The following IQCK variants were observed in gnomAD, a reference collection of about 807,000 sequenced individuals.
The protein encoded by IQCK is IQ motif containing K.
A neutral mutation model predicts 28.1 loss-of-function variants in IQCK; 29 were observed. The ratio of observed to expected loss-of-function variants is 1.03; its 90% CI spans 0.77 to 1.41. The LOEUF is 1.41. IQCK is among the 40% of genes most tolerant of loss of function. The pLI, the probability that IQCK is intolerant of heterozygous loss-of-function variation, is 0.00. For synonymous variants in IQCK, 113 were observed against 115.1 expected (o/e 0.98, Z 0.12); for missense variants, 359 against 314.7 (o/e 1.14, Z -1.07).
chr16:19,728,815 G>A (rs1216983035), intron 1 of IQCK, among the ~76,000 whole-genome samples: 1 of 152,164 alleles, frequency 6.6e-6, no homozygotes, highest in East Asian at 1.9e-4. Context: ...CTTTTAACCT[G>A]CAACCTGACA....
At chr16:19,772,458 ATTAT>A (rs1438620152) in intron 6 of IQCK, among the ~76,000 whole-genome samples, 1 of 152,178 alleles carries the variant, frequency 6.6e-6, no homozygotes, top group Non-Finnish European at 1.5e-5. Context: ...TTAAAAAATT[ATTAT>A]TTAAGATATG....
exon 10 of IQCK, chr16:19,857,153 A>G (rs2056572351): frequency 4.9e-6 from 1 of 202,976 alleles, no homozygotes; most frequent in Non-Finnish European, 9.9e-6. Context: ...TTTTATGGGT[A>G]AACTTATTAC....
chr16:19,750,127 T>C (rs1485055757), intron 4 of IQCK, among the ~76,000 whole-genome samples: 8 of 152,092 alleles, frequency 5.3e-5, no homozygotes, highest in Non-Finnish European at 1.2e-4. Flanking sequence ...AGGGAGTTTA[T>C]GATTTTTTTT....
intron 7 of IQCK, among the ~76,000 whole-genome samples, chr16:19,809,667 G>A (rs1364336474): frequency 1.3e-5 from 2 of 152,178 alleles, no homozygotes; most frequent in Non-Finnish European, 2.9e-5. Context: ...TGAGAAGCAC[G>A]ACAATGTTTT....
chr16:19,828,452 A>C (rs1364555776), downstream of IQCK, among the ~76,000 whole-genome samples: 2 of 149,162 alleles, frequency 1.3e-5, no homozygotes, highest in East Asian at 2.1e-4. Flanking sequence ...CGGCCAGGCT[A>C]GTCTCAAACT....
chr16:19,816,028 A>C (rs1210871055), intron 7 of IQCK, among the ~76,000 whole-genome samples: 1 of 152,192 alleles, frequency 6.6e-6, no homozygotes, highest in East Asian at 1.9e-4. Context: ...ATGACTGAAG[A>C]GGCCTGACCA....
intron 3 of IQCK, among the ~76,000 whole-genome samples, chr16:19,734,232 C>T (rs183012964): frequency 5.9e-5 from 9 of 152,168 alleles, no homozygotes; most frequent in South Asian, 4.2e-4. Flanking sequence ...TGCAGTGGCT[C>T]ATGCCTATAA....
At chr16:19,839,018 C>CAAAAAAAA (rs71146274) in intron 9 of IQCK, among the ~76,000 whole-genome samples, 2 of 42,576 alleles carry the variant, frequency 4.7e-5, no homozygotes, top group African/African-American at 8.2e-5. Context: ...GACTCCATAG[C>CAAAAAAAA]AAAAAAAAAA....
At chr16:19,810,106 T>G (rs1244926495) in intron 7 of IQCK, among the ~76,000 whole-genome samples, 4 of 152,078 alleles carry the variant, frequency 2.6e-5, no homozygotes, top group African/African-American at 9.7e-5. Flanking sequence ...GAACTGCTAC[T>G]TTAGAGTTAG....
chr16:19,784,561 G>A (rs926504082), intron 6 of IQCK, among the ~76,000 whole-genome samples: 5 of 152,164 alleles, frequency 3.3e-5, no homozygotes, highest in Non-Finnish European at 7.3e-5. Context: ...CCTACTATGT[G>A]CCAGACATTG....
At chr16:19,778,083 G>A (rs2055420435) in intron 6 of IQCK, among the ~76,000 whole-genome samples, 1 of 152,126 alleles carries the variant, frequency 6.6e-6, no homozygotes, top group Non-Finnish European at 1.5e-5. Context: ...CAGAGAGCCT[G>A]TGCGAAGCAG....
chr16:19,764,204 G>A, intron 6 of IQCK, 92 bp downstream of exon 6: 1 of 1,057,158 alleles, frequency 9.5e-7, no homozygotes, highest in Non-Finnish European at 1.4e-6. Flanking sequence ...AAACTGATGT[G>A]ATCCATCCAG....
At chr16:19,743,194 A>AAAG (rs1322284509) in intron 4 of IQCK, among the ~76,000 whole-genome samples, 6 of 145,286 alleles carry the variant, frequency 4.1e-5, no homozygotes, top group African/African-American at 1.5e-4. Flanking sequence ...AATAAATAAA[A>AAAG]GTCAGGGCCT....
At chr16:19,779,771 G>T (rs1464795050) in intron 6 of IQCK, among the ~76,000 whole-genome samples, 1 of 151,000 alleles carries the variant, frequency 6.6e-6, no homozygotes, top group Non-Finnish European at 1.5e-5. Flanking sequence ...AGGCTGGAGT[G>T]CAGTGGTGCG....
chr16:19,738,648 G>T (rs1286785384), intron 4 of IQCK, among the ~76,000 whole-genome samples: 1 of 152,200 alleles, frequency 6.6e-6, no homozygotes. Context: ...CCGATGAAAT[G>T]AGGTAGCTCA....
chr16:19,814,233 A>AC (rs941575103), intron 7 of IQCK, among the ~76,000 whole-genome samples: 18 of 142,468 alleles, frequency 1.3e-4, no homozygotes, highest in African/African-American at 4.3e-4. Context: ...AAAAAAAAAA[A>AC]AAAAAAAAAA....
chr16:19,730,380 G>C (rs780613188), intron 1 of IQCK, 50 bp from the exon 2 acceptor site: 2 of 1,367,982 alleles, frequency 1.5e-6, no homozygotes, highest in African/African-American at 2.9e-5. Flanking sequence ...AATTACACCA[G>C]AAACTCTAGT....
chr16:19,776,919 A>G (rs1265120580), intron 6 of IQCK, among the ~76,000 whole-genome samples: 1 of 152,218 alleles, frequency 6.6e-6, no homozygotes, highest in Non-Finnish European at 1.5e-5. Flanking sequence ...ATTATTTTCT[A>G]GCACATTAAG....
At chr16:19,778,061 A>G (rs1192713195) in intron 6 of IQCK, among the ~76,000 whole-genome samples, 2 of 151,934 alleles carry the variant, frequency 1.3e-5, no homozygotes, top group Non-Finnish European at 1.5e-5. Context: ...TCAAAAAAAA[A>G]GAGAACCAGT....
Sources: gnomAD v4.1 joint callset for allele counts (sites outside exome capture counted in the v4.1 genomes callset) on GRCh38, gnomAD v4.1.1 for gene constraint, MANE v1.5 for transcripts, NCBI Gene and HGNC (gene_info 2026-07-23, HGNC 2026-07-21) for gene names.